CEACAM8: variants seen among roughly 807,000 people sequenced by gnomAD.
CEACAM8 encodes cell adhesion molecule CEACAM8.
CEACAM8 carries 31 observed loss-of-function variants against 33.4 expected under a neutral mutation model. The observed-to-expected ratio is 0.93, with a 90% CI of 0.70 to 1.25. CEACAM8 has a LOEUF of 1.25. CEACAM8 is among the 50% of genes most tolerant of loss of function. The pLI is 0.00. For missense variants in CEACAM8, 388 were observed against 434.6 expected (o/e 0.89, Z 0.95); for synonymous variants, 138 against 164.5 (o/e 0.84, Z 1.23).
chr19:42,581,920 A>AATATATATATATATATAT (rs57314008), intron 5 of CEACAM8, among the ~76,000 whole-genome samples: 5 of 25,312 alleles, frequency 2.0e-4, no homozygotes, highest in African/African-American at 6.6e-4. Flanking sequence ...AAAAAAAAAA[A>AATATATATATATATATAT]ATATATATAT....
chr19:42,593,852 A>G lies in CEACAM8; in HGVS notation c.113T>C (p.Ile38Thr), dbSNP rs1412283239. The change falls in exon 2 of 6, where the codon ATT becomes ACT. Residue 38 changes from isoleucine to threonine, a missense_variant. Ile to Thr is a moderately conservative substitution (Grantham distance 89). Transcript: ENST00000244336. ...WNPPTTAQLTIEAVPSNAAEG... is the reference protein window; with the variant it reads ...WNPPTTAQLTTEAVPSNAAEG... ...TGCAGCATTGGATGGCACAGCTTCA[A>G]TAGTGAGCTGAGCAGTGGTGGGCGG... The G allele has an allele frequency of 1.2e-6, 2 of 1,612,842 alleles. No individual in the cohort carries two copies.
intron 1 of CEACAM8, 35 bp from the exon 2 acceptor site, chr19:42,593,935 A>C: frequency 6.5e-7 from 1 of 1,543,206 alleles, no homozygotes; most frequent in Non-Finnish European, 8.7e-7. Flanking sequence ...CAATATTGCA[A>C]CATATGTATT....
chr19:42,587,510 A>G (rs1036063136), intron 4 of CEACAM8, among the ~76,000 whole-genome samples: 12 of 152,268 alleles, frequency 7.9e-5, no homozygotes, highest in Admixed American at 3.9e-4. Flanking sequence ...CACCTATTAT[A>G]TAATTCCATT....
rs548873859 is a variant in CEACAM8, at chr19:42,582,304, C to T, written c.*40+902G>A. ...TGTGGCTATATTTCCCATCAGATTTCTCTGATTTCTTGTGGCATTCACTTT... is the reference window on the plus strand; with the variant it reads ...TGTGGCTATATTTCCCATCAGATTTTTCTGATTTCTTGTGGCATTCACTTT... On this transcript the variant is annotated intron_variant, in intron 5 of 5. Coordinates refer to ENST00000244336, the MANE Select transcript of CEACAM8 (RefSeq NM_001816.4). 1.7e-4 allele frequency among the ~76,000 whole-genome samples: 26 copies of T among 152,102 alleles called. No homozygotes were observed. The South Asian group carries it at 2.7e-3, about 16-fold the overall frequency.
At chr19:42,581,580 G>A (rs970230776) in intron 5 of CEACAM8, among the ~76,000 whole-genome samples, 8 of 152,002 alleles carry the variant, frequency 5.3e-5, no homozygotes, top group African/African-American at 1.9e-4. Flanking sequence ...AATTGACAAT[G>A]CTTTCCATGT....
rs998128016 is a variant in CEACAM8 at position 42,594,863 on chromosome 19, A to G, written c.-35T>C. The G allele has an allele frequency of 9.4e-6, 15 of 1,592,698 alleles. No homozygotes were observed. The African/African-American group carries it at 1.6e-4, about 17-fold the overall frequency. On this transcript the variant is annotated 5_prime_UTR_variant, in exon 1 of 6. Transcript: ENST00000244336. ...TGCCTGCGTGTTCTCCTCTGTGGAGATGAGCCTGGGATCCAGAAACTTTCT... is the reference window on the plus strand; with the variant it reads ...TGCCTGCGTGTTCTCCTCTGTGGAGGTGAGCCTGGGATCCAGAAACTTTCT...
intron 4 of CEACAM8, among the ~76,000 whole-genome samples, chr19:42,587,584 G>A (rs2042357445): frequency 6.6e-6 from 1 of 152,230 alleles, no homozygotes; most frequent in African/African-American, 2.4e-5. Context: ...GTTGCCAGGG[G>A]TTAGAGGGAG....
intron 4 of CEACAM8, among the ~76,000 whole-genome samples, chr19:42,586,711 C>T (rs2042343280): frequency 6.6e-6 from 1 of 151,796 alleles, no homozygotes; most frequent in Non-Finnish European, 1.5e-5. Flanking sequence ...AAAGCATAGG[C>T]AACAAAAGAA....
chr19:42,593,459 G>C, intron 2 of CEACAM8, 82 bp downstream of exon 2: 1 of 1,500,700 alleles, frequency 6.7e-7, no homozygotes, highest in Non-Finnish European at 8.9e-7. Context: ...AGAGGGACAT[G>C]GGCACAGCCC....
Position 42,589,533 on chromosome 19 carries a change from G to A in CEACAM8, c.627C>T (p.Asp209=), listed in dbSNP as rs749937078. ...GTATTTCACATTCATAGGGTCCTAC[G>A]TCATTCCTTGTGACACTGAGTAGAG... ...TLTLLSVTRN[D]VGPYECEIQN... The change falls in exon 3 of 6, where the codon GAC becomes GAT. Residue 209 remains aspartate (D), a synonymous_variant. Coordinates refer to ENST00000244336, the MANE Select transcript of CEACAM8 (RefSeq NM_001816.4). 11 of 1,614,070 alleles carry A rather than the reference G, an allele frequency of 6.8e-6. No individual in the cohort carries two copies. The highest frequency in any genetic ancestry group is 1.3e-5 in the African/African-American group (1 of 74,926).
chr19:42,589,354 G>C, intron 3 of CEACAM8, 103 bp downstream of exon 3: 1 of 1,550,586 alleles, frequency 6.4e-7, no homozygotes, highest in South Asian at 1.2e-5. Context: ...GGGGTGGGTG[G>C]GGAATCTGCA....
chr19:42,584,578 C>CT (rs1315912833), intron 4 of CEACAM8, among the ~76,000 whole-genome samples: 1 of 152,174 alleles, frequency 6.6e-6, no homozygotes, highest in East Asian at 1.9e-4. Flanking sequence ...AACATTTCCT[C>CT]TGTGTGGGGC....
chr19:42,587,359 A>G (rs1393460772), intron 4 of CEACAM8, among the ~76,000 whole-genome samples: 1 of 152,262 alleles, frequency 6.6e-6, no homozygotes, highest in Non-Finnish European at 1.5e-5. Context: ...CCATTGAAAG[A>G]TAAGTGGATA....
intron 2 of CEACAM8, among the ~76,000 whole-genome samples, chr19:42,592,704 C>T (rs939309181): frequency 6.6e-6 from 1 of 151,680 alleles, no homozygotes; most frequent in African/African-American, 2.4e-5. Flanking sequence ...TTAAATTATC[C>T]ATAGTCACCT....
intron 2 of CEACAM8, among the ~76,000 whole-genome samples, chr19:42,591,342 G>C (rs1397811101): frequency 6.6e-6 from 1 of 152,108 alleles, no homozygotes; most frequent in Non-Finnish European, 1.5e-5. Context: ...CCTGAAGTTC[G>C]CTTGAAATTA....
chr19:42,589,740 G>A lies in CEACAM8; in HGVS notation c.425-5C>T. The A allele has an allele frequency of 6.2e-7, 1 of 1,614,204 alleles. No individual in the cohort carries two copies. Among genetic ancestry groups the A allele is most frequent in the Non-Finnish European group, 8.5e-7 (1 of 1,180,032 alleles). On this transcript the variant is annotated splice_region_variant and splice_polypyrimidine_tract_variant and intron_variant, in intron 2 of 5. Coordinates refer to ENST00000244336, the MANE Select transcript of CEACAM8 (RefSeq NM_001816.4). The stretch of plus-strand genomic sequence containing the variant: ...TGGAGGGCTTGGGAGTCTCCGCTGT[G>A]CAGAAAACAGAGAGAAGATTGCCCT...
intron 4 of CEACAM8, among the ~76,000 whole-genome samples, chr19:42,586,279 C>T (rs1237404034): frequency 6.6e-6 from 1 of 151,720 alleles, no homozygotes; most frequent in Non-Finnish European, 1.5e-5. Context: ...CTCAAAATAG[C>T]CAACCAATCA....
intron 5 of CEACAM8, among the ~76,000 whole-genome samples, chr19:42,582,257 A>AG (rs2042271956): frequency 6.6e-6 from 1 of 152,094 alleles, no homozygotes; most frequent in Non-Finnish European, 1.5e-5. Context: ...ATTTAAAAAA[A>AG]CATTTCTCAG....
At chr19:42,588,736 T>C in intron 4 of CEACAM8, 48 bp downstream of exon 4, 1 of 1,604,272 alleles carries the variant, frequency 6.2e-7, no homozygotes. Flanking sequence ...GAAAGCCAGA[T>C]AGACTCTACC....
Sources: gnomAD v4.1 joint callset for allele counts (sites outside exome capture counted in the v4.1 genomes callset) on GRCh38, gnomAD v4.1.1 for gene constraint, MANE v1.5 for transcripts, NCBI Gene and HGNC (gene_info 2026-07-23, HGNC 2026-07-21) for gene names.